The following SLC4A4 variants were observed in gnomAD, a reference collection of about 807,000 sequenced individuals.
SLC4A4 encodes electrogenic sodium bicarbonate cotransporter 1.
A neutral mutation model predicts 111.5 loss-of-function variants in SLC4A4; 27 were observed. That is an observed-to-expected ratio of 0.24 (90% CI 0.18 to 0.33). The LOEUF is 0.33. SLC4A4 is among the 10% of genes least tolerant of loss of function. The pLI is 1.00. For synonymous variants in SLC4A4, 443 were observed against 463.4 expected (o/e 0.96, Z 0.57); for missense variants, 909 against 1,315.5 (o/e 0.69, Z 4.78).
At chr4:71,509,038 G>C (rs1731669330) in intron 16 of SLC4A4, among the ~76,000 whole-genome samples, 1 of 152,118 alleles carries the variant, frequency 6.6e-6, no homozygotes, top group African/African-American at 2.4e-5. Context: ...AAAGGCCTCT[G>C]ATAAAATTCA....
chr4:71,282,749 AT>A (rs939524509), intron 3 of SLC4A4, among the ~76,000 whole-genome samples: 44 of 143,734 alleles, frequency 3.1e-4, no homozygotes, highest in East Asian at 4.1e-4. Context: ...CATCTGGCTG[AT>A]TTTTTTTTTT....
chr4:71,237,059 G>T (rs1188926088), intron 2 of SLC4A4, among the ~76,000 whole-genome samples: 1 of 152,214 alleles, frequency 6.6e-6, no homozygotes, highest in African/African-American at 2.4e-5. Flanking sequence ...AGATACTACA[G>T]AAGGATAATG....
At chr4:71,186,687 G>C (rs1560766139), upstream of SLC4A4, 1 of 151,678 alleles carries the variant, frequency 6.6e-6, no homozygotes, top group Admixed American at 6.6e-5. Flanking sequence ...CCGGGCTGGC[G>C]GGCACGAGCG....
At chr4:71,469,690 A>G (rs6848569) in intron 13 of SLC4A4, among the ~76,000 whole-genome samples, 18,830 of 151,874 alleles carry the variant, frequency 0.12, 2,033 homozygotes, top group East Asian at 0.46. Flanking sequence ...CTGATGATCA[A>G]CTTATTTACA....
chr4:71,274,949 A>G (rs1009435824), intron 3 of SLC4A4, among the ~76,000 whole-genome samples: 1 of 152,064 alleles, frequency 6.6e-6, no homozygotes, highest in Non-Finnish European at 1.5e-5. Flanking sequence ...TAAAACAAAA[A>G]CTCAAAAGTA....
intron 1 of SLC4A4, among the ~76,000 whole-genome samples, chr4:71,202,053 C>A (rs1225294103): frequency 6.6e-6 from 1 of 152,146 alleles, no homozygotes; most frequent in Non-Finnish European, 1.5e-5. Context: ...GGGATAGTGT[C>A]CAGCTGAGAA....
chr4:71,303,614 A>G (rs2579336), intron 3 of SLC4A4, among the ~76,000 whole-genome samples: 4,979 of 152,266 alleles, frequency 0.033, 290 homozygotes, highest in African/African-American at 0.11. Flanking sequence ...GTAATTTAAC[A>G]TTGTAATTCA....
chr4:71,529,684 A>T (rs1463548521), intron 16 of SLC4A4, among the ~76,000 whole-genome samples: 1 of 152,162 alleles, frequency 6.6e-6, no homozygotes, highest in Non-Finnish European at 1.5e-5. Flanking sequence ...AAAGAATTGC[A>T]GATTGAATTT....
At chr4:71,268,870 A>G (rs945043950) in intron 3 of SLC4A4, among the ~76,000 whole-genome samples, 2 of 152,232 alleles carry the variant, frequency 1.3e-5, no homozygotes, top group African/African-American at 4.8e-5. Context: ...CGCGTTAACT[A>G]TATGTTGCAA....
At chr4:71,197,564 A>G (rs1352445710) in intron 1 of SLC4A4, among the ~76,000 whole-genome samples, 2 of 152,134 alleles carry the variant, frequency 1.3e-5, no homozygotes, top group Non-Finnish European at 2.9e-5. Context: ...CAGTGCAGAG[A>G]GTTTTTCTGT....
At chr4:71,448,757 A>G (rs1390341975) in intron 9 of SLC4A4, among the ~76,000 whole-genome samples, 5 of 152,154 alleles carry the variant, frequency 3.3e-5, no homozygotes, top group Admixed American at 2.6e-4. Flanking sequence ...CCCCAAATGT[A>G]TTGCTTTTGC....
At chr4:71,402,909 C>T (rs962704038) in intron 7 of SLC4A4, among the ~76,000 whole-genome samples, 1 of 152,202 alleles carries the variant, frequency 6.6e-6, no homozygotes, top group Non-Finnish European at 1.5e-5. Context: ...AGATAGCTTC[C>T]TTTTCCCATT....
At chr4:71,499,763 C>T (rs904140521) in intron 16 of SLC4A4, among the ~76,000 whole-genome samples, 3 of 152,040 alleles carry the variant, frequency 2.0e-5, no homozygotes. Flanking sequence ...GACAGAATTT[C>T]CTTTGTTTTA....
At chr4:71,211,510 C>A (rs1330841257) in intron 1 of SLC4A4, among the ~76,000 whole-genome samples, 1 of 152,172 alleles carries the variant, frequency 6.6e-6, no homozygotes, top group Non-Finnish European at 1.5e-5. Flanking sequence ...AAATTTCTGT[C>A]CATCCTAATT....
chr4:71,485,667 GA>G (rs1459983155), intron 14 of SLC4A4, among the ~76,000 whole-genome samples: 10 of 151,682 alleles, frequency 6.6e-5, no homozygotes, highest in African/African-American at 2.2e-4. Context: ...CTAAAGTCTT[GA>G]AAGACCAGAG....
chr4:71,532,426 A>C (rs1734017039), intron 17 of SLC4A4, among the ~76,000 whole-genome samples: 1 of 152,140 alleles, frequency 6.6e-6, no homozygotes, highest in Admixed American at 6.6e-5. Flanking sequence ...TTTTAGAATA[A>C]ATATCCAAAA....
intron 3 of SLC4A4, among the ~76,000 whole-genome samples, chr4:71,283,159 T>A (rs1486487068): frequency 1.3e-5 from 2 of 152,246 alleles, no homozygotes; most frequent in Non-Finnish European, 2.9e-5. Context: ...AGAATTCTGC[T>A]GATTTGTTTT....
intron 3 of SLC4A4, among the ~76,000 whole-genome samples, chr4:71,329,500 T>C (rs1195321366): frequency 6.6e-6 from 1 of 152,098 alleles, no homozygotes; most frequent in Non-Finnish European, 1.5e-5. Context: ...CGTGCATCAA[T>C]GTTTTATAGT....
chr4:71,353,611 A>G (rs1730038056), intron 5 of SLC4A4, among the ~76,000 whole-genome samples: 1 of 152,198 alleles, frequency 6.6e-6, no homozygotes, highest in Non-Finnish European at 1.5e-5. Flanking sequence ...TTTTTAAAAA[A>G]TCCTTTTGTA....
Sources: allele counts gnomAD v4.1 joint callset (sites outside exome capture counted in the v4.1 genomes callset), GRCh38; gene constraint gnomAD v4.1.1; transcripts MANE v1.5; gene names NCBI Gene and HGNC (gene_info 2026-07-23, HGNC 2026-07-21).